The following TBC1D22B variants were observed in gnomAD, a reference collection of about 807,000 sequenced individuals.
TBC1D22B encodes the protein TBC1 domain family member 22B.
Under a neutral mutation model 69.1 loss-of-function variants are expected in TBC1D22B, and 32 were observed. The ratio of observed to expected loss-of-function variants is 0.46; its 90% CI spans 0.35 to 0.62. The LOEUF (loss-of-function observed/expected upper bound fraction) is 0.62, where lower values mean the gene tolerates loss of function less well. Among genes scored for constraint, TBC1D22B ranks in the 20% least tolerant of loss-of-function variants. The probability of loss-of-function intolerance (pLI) is 0.00; values close to 1 mark genes in which losing one functional copy is unlikely to be tolerated. For synonymous variants in TBC1D22B, 206 were observed against 229.8 expected (o/e 0.90, Z 0.94); for missense variants, 462 against 630.9 (o/e 0.73, Z 2.87).
At chr6:37,261,373 A>C (rs1266384566) in intron 1 of TBC1D22B, among the ~76,000 whole-genome samples, 2 of 149,912 alleles carry the variant, frequency 1.3e-5, no homozygotes, top group East Asian at 4.0e-4. Flanking sequence ...CGGAGGTTGC[A>C]GTGAACTGAG....
chr6:37,286,107 T>G (rs1421912452), intron 6 of TBC1D22B, among the ~76,000 whole-genome samples: 1 of 152,212 alleles, frequency 6.6e-6, no homozygotes, highest in Non-Finnish European at 1.5e-5. Flanking sequence ...TGAAACAGAC[T>G]TCAGAGCAAT....
At chr6:37,258,327 C>G (rs1765910084) in intron 1 of TBC1D22B, among the ~76,000 whole-genome samples, 1 of 152,270 alleles carries the variant, frequency 6.6e-6, no homozygotes, top group East Asian at 1.9e-4. Flanking sequence ...AATTAGGACT[C>G]CCTCTCAGGG....
intron 12 of TBC1D22B, among the ~76,000 whole-genome samples, chr6:37,323,082 AAGC>A (rs200537251): frequency 0.025 from 3,783 of 152,032 alleles, 112 homozygotes; most frequent in African/African-American, 0.072. Context: ...CATCTCGGGA[AAGC>A]AGCAGCAGCA....
intron 1 of TBC1D22B, among the ~76,000 whole-genome samples, chr6:37,261,504 T>C (rs1766100899): frequency 6.6e-6 from 1 of 151,750 alleles, no homozygotes; most frequent in Non-Finnish European, 1.5e-5. Flanking sequence ...CTCTGCTTTC[T>C]AGCTATGTGA....
chr6:37,267,839 A>G (rs926984046), intron 1 of TBC1D22B, among the ~76,000 whole-genome samples: 1 of 152,214 alleles, frequency 6.6e-6, no homozygotes, highest in African/African-American at 2.4e-5. Flanking sequence ...AATGTTAAAC[A>G]GGTAGTGACA....
intron 12 of TBC1D22B, among the ~76,000 whole-genome samples, chr6:37,327,267 A>G (rs1768439847): frequency 1.0e-5 from 1 of 97,740 alleles, no homozygotes; most frequent in African/African-American, 5.4e-5. Flanking sequence ...TCACGAGGTC[A>G]GGAGATCGAG....
intron 12 of TBC1D22B, among the ~76,000 whole-genome samples, chr6:37,321,817 C>T (rs1768252411): frequency 6.6e-6 from 1 of 152,106 alleles, no homozygotes; most frequent in African/African-American, 2.4e-5. Flanking sequence ...GCTGGGGAGG[C>T]CGTGTTGACT....
At chr6:37,265,512 G>A (rs1766241746) in intron 1 of TBC1D22B, among the ~76,000 whole-genome samples, 1 of 151,030 alleles carries the variant, frequency 6.6e-6, no homozygotes, top group African/African-American at 2.4e-5. Context: ...CTGCTAATGT[G>A]CATATCAGTA....
At chr6:37,301,947 C>T (rs1581611182) in intron 8 of TBC1D22B, among the ~76,000 whole-genome samples, 2 of 152,148 alleles carry the variant, frequency 1.3e-5, no homozygotes, top group Non-Finnish European at 2.9e-5. Flanking sequence ...TACCCCACTG[C>T]CCCATCTCAC....
chr6:37,324,806 T>G (rs1271324263), intron 12 of TBC1D22B, among the ~76,000 whole-genome samples: 1 of 152,202 alleles, frequency 6.6e-6, no homozygotes. Flanking sequence ...ATGCCCAGAT[T>G]GGGCTCAAAT....
intron 1 of TBC1D22B, among the ~76,000 whole-genome samples, chr6:37,264,972 A>C (rs1373181920): frequency 6.6e-6 from 1 of 152,218 alleles, no homozygotes; most frequent in Non-Finnish European, 1.5e-5. Context: ...CACCTTAATC[A>C]TTGGGCTCTT....
intron 2 of TBC1D22B, among the ~76,000 whole-genome samples, chr6:37,276,626 G>A (rs1237858315): frequency 6.6e-6 from 1 of 152,042 alleles, no homozygotes; most frequent in Non-Finnish European, 1.5e-5. Flanking sequence ...ATCATTATCT[G>A]CTTCAAAAAT....
chr6:37,329,027 C>A (rs370307754), intron 12 of TBC1D22B, among the ~76,000 whole-genome samples: 1 of 139,274 alleles, frequency 7.2e-6, no homozygotes, highest in Admixed American at 7.6e-5. Context: ...GCGCCCAGCC[C>A]AGAGTAGTTA....
intron 8 of TBC1D22B, among the ~76,000 whole-genome samples, chr6:37,307,720 C>A (rs1767772647): frequency 1.3e-5 from 2 of 152,052 alleles, no homozygotes; most frequent in African/African-American, 4.8e-5. Flanking sequence ...CAACAAGGAC[C>A]CGAATCAGGT....
At chr6:37,270,026 A>C (rs1484406557) in intron 2 of TBC1D22B, among the ~76,000 whole-genome samples, 1 of 152,236 alleles carries the variant, frequency 6.6e-6, no homozygotes, top group African/African-American at 2.4e-5. Flanking sequence ...GAATATAGAT[A>C]GGTCTGCCAC....
At chr6:37,258,147 G>A in intron 1 of TBC1D22B, 174 bp downstream of exon 1, 1 of 699,480 alleles carries the variant, frequency 1.4e-6, no homozygotes, top group Non-Finnish European at 2.3e-6. Context: ...AGCGAGCTTT[G>A]GGGACGGCTG....
chr6:37,322,775 A>G lies in TBC1D22B; in HGVS notation c.1389+5569A>G, dbSNP rs145342079. The stretch of plus-strand genomic sequence containing the variant: ...GAGTTCTGTGATGAGGAAAGGCGTG[A>G]CAAGCCCCCTGTGGTCAGTGCAGCA... On this transcript the variant is annotated intron_variant, in intron 12 of 12. Transcript: ENST00000373491. Among the ~76,000 whole-genome samples, 6 of 152,288 alleles carry G rather than the reference A, an allele frequency of 3.9e-5. No homozygotes were observed. In the East Asian group the frequency reaches 9.7e-4, roughly 25 times the overall value.
intron 10 of TBC1D22B, among the ~76,000 whole-genome samples, chr6:37,315,266 C>G (rs1768042936): frequency 6.6e-6 from 1 of 152,032 alleles, no homozygotes; most frequent in Admixed American, 6.5e-5. Flanking sequence ...GTAATACTTC[C>G]TCATTAAAAA....
chr6:37,315,782 C>G lies in TBC1D22B; in HGVS notation c.1166-921C>G, dbSNP rs74845461. On this transcript the variant is annotated intron_variant, in intron 10 of 12. Transcript: ENST00000373491. ...GTAAAGACAGGCTTTTGTCATGTTG[C>G]CTAGCCTGGTCTTGAGCTCCTGGGC... Among the ~76,000 whole-genome samples, 722 of 152,178 alleles carry G rather than the reference C, an allele frequency of 4.7e-3. 21 individuals are homozygous for G. In the East Asian group the frequency reaches 0.067, roughly 14 times the overall value.
Sources: allele counts gnomAD v4.1 joint callset (sites outside exome capture counted in the v4.1 genomes callset), GRCh38; gene constraint gnomAD v4.1.1; transcripts MANE v1.5; gene names NCBI Gene and HGNC (gene_info 2026-07-23, HGNC 2026-07-21).